The following AFF3 variants were observed in gnomAD, a reference collection of about 807,000 sequenced individuals.
AFF3 encodes ALF transcription elongation factor 3.
Under a neutral mutation model 129.7 loss-of-function variants are expected in AFF3, and 32 were observed. The ratio of observed to expected loss-of-function variants is 0.25; its 90% CI spans 0.19 to 0.33. The LOEUF (loss-of-function observed/expected upper bound fraction) is 0.33, where lower values mean the gene tolerates loss of function less well. AFF3 is among the 10% of genes least tolerant of loss of function. The pLI is 1.00. For synonymous variants in AFF3, 644 were observed against 635.4 expected, an observed-to-expected ratio of 1.01 and a Z score of -0.20; for missense variants, 1,373 against 1,592.0, an observed-to-expected ratio of 0.86 and a Z score of 2.34.
At chr2:99,877,426 C>T (rs904665307) in intron 7 of AFF3, among the ~76,000 whole-genome samples, 1 of 152,092 alleles carries the variant, frequency 6.6e-6, no homozygotes, top group Non-Finnish European at 1.5e-5. Flanking sequence ...ATTGGAATCA[C>T]CACTATGAGA....
At chr2:100,031,757 T>C (rs1684512708) in intron 4 of AFF3, among the ~76,000 whole-genome samples, 1 of 152,168 alleles carries the variant, frequency 6.6e-6, no homozygotes, top group Admixed American at 6.5e-5. Flanking sequence ...AGCAACACAA[T>C]AAAGTAGTAT....
intron 13 of AFF3, among the ~76,000 whole-genome samples, chr2:99,644,106 A>C (rs773676748): frequency 2.6e-5 from 4 of 152,244 alleles, no homozygotes; most frequent in African/African-American, 4.8e-5. Flanking sequence ...GAAATAAATG[A>C]ATAAATCAAT....
At chr2:99,930,380 G>A (rs1308620985) in intron 7 of AFF3, among the ~76,000 whole-genome samples, 2 of 152,142 alleles carry the variant, frequency 1.3e-5, no homozygotes, top group African/African-American at 4.8e-5. Flanking sequence ...CTGCAGGTTG[G>A]TCTCCTCAAT....
At chr2:99,865,311 G>C (rs1691310059) in intron 7 of AFF3, among the ~76,000 whole-genome samples, 1 of 152,216 alleles carries the variant, frequency 6.6e-6, no homozygotes, top group Non-Finnish European at 1.5e-5. Flanking sequence ...ACTCTTTGAA[G>C]CCTTCAAGGA....
intron 4 of AFF3, among the ~76,000 whole-genome samples, chr2:100,058,601 C>T (rs1686995370): frequency 6.6e-6 from 1 of 152,046 alleles, no homozygotes; most frequent in Non-Finnish European, 1.5e-5. Flanking sequence ...CATGTATACA[C>T]ACTGTATAGC....
rs570011251 is a variant in AFF3, at chr2:99,761,104, G to C, written c.922-8803C>G. On this transcript the variant is annotated intron_variant, in intron 8 of 24. Transcript: ENST00000672756. ...CCAGGTGATGGAACTGAGAATCCAC[G>C]TATCTGCCTCAACACAGCATCGCCA... Among the ~76,000 whole-genome samples the C allele has an allele frequency of 4.2e-4, 63 of 151,212 alleles. 1 individual carries two copies. The South Asian group carries it at 0.013, about 31-fold the overall frequency.
At chr2:99,780,248 C>G (rs1684290378) in intron 8 of AFF3, among the ~76,000 whole-genome samples, 1 of 152,192 alleles carries the variant, frequency 6.6e-6, no homozygotes, top group African/African-American at 2.4e-5. Flanking sequence ...TGACGCTGGT[C>G]TGGCATTCCT....
chr2:99,693,329 G>A (rs938963676), intron 11 of AFF3, among the ~76,000 whole-genome samples: 5 of 152,042 alleles, frequency 3.3e-5, no homozygotes, highest in African/African-American at 9.7e-5. Flanking sequence ...TCTTGTGTAC[G>A]TTTAATCAGA....
At chr2:99,653,678 G>GC (rs1270048910) in intron 12 of AFF3, among the ~76,000 whole-genome samples, 1 of 152,176 alleles carries the variant, frequency 6.6e-6, no homozygotes, top group East Asian at 1.9e-4. Context: ...GAAGCTTAGA[G>GC]CAAGGGCTGC....
chr2:99,868,016 C>CTTTTTTTTTTTTTTTTTT (rs531223035), intron 7 of AFF3, among the ~76,000 whole-genome samples: 1 of 136,166 alleles, frequency 7.3e-6, no homozygotes. Context: ...CTCTTTCTTT[C>CTTTTTTTTTTTTTTTTTT]CTTTTTTTTT....
chr2:99,578,468 A>G lies in AFF3; in HGVS notation c.2794-17T>C. The G allele has an allele frequency of 6.2e-7, 1 of 1,607,378 alleles. No individual in the cohort carries two copies. The highest frequency in any genetic ancestry group is 1.1e-5 in the South Asian group (1 of 89,278). On this transcript the variant is annotated splice_polypyrimidine_tract_variant and intron_variant, in intron 17 of 24. Coordinates refer to ENST00000672756, the MANE Select transcript of AFF3 (RefSeq NM_001386135.1). Reference sequence around the variant, plus strand: ...AGCTGCTTTCTAAACAACAAACAACACACATCTTTGAGAAATTGGCCACCT... The same window carrying G: ...AGCTGCTTTCTAAACAACAAACAACGCACATCTTTGAGAAATTGGCCACCT...
chr2:99,920,856 T>C (rs953353467), intron 7 of AFF3, among the ~76,000 whole-genome samples: 4 of 152,080 alleles, frequency 2.6e-5, no homozygotes, highest in Non-Finnish European at 5.9e-5. Flanking sequence ...CAAAATCTAT[T>C]AGCAATAAAA....
rs1183702150 is a variant in AFF3, at chr2:99,546,525, G to A, written c.*4949C>T. ...AAGACAAAGGATATTTGAATCTAAG[G>A]ACATGGGCTGGATCAGGTGAAGGGA... On this transcript the variant is annotated 3_prime_UTR_variant, in exon 25 of 25. Coordinates refer to ENST00000672756, the MANE Select transcript of AFF3 (RefSeq NM_001386135.1). 4.3e-6 allele frequency: 1 copy of A among 232,822 alleles called. No individual in the cohort carries two copies. The highest frequency in any genetic ancestry group is 2.2e-5 in the African/African-American group (1 of 45,316). The allele number at this position is 232,822 out of a possible 1,614,324, so 14.4% of individuals were successfully genotyped here. A position where few individuals can be genotyped will look rare whatever the true frequency, so the allele number is the denominator to read the frequency against.
chr2:99,682,749 G>T (rs1029323970), intron 11 of AFF3, among the ~76,000 whole-genome samples: 2 of 152,196 alleles, frequency 1.3e-5, no homozygotes, highest in African/African-American at 4.8e-5. Context: ...TGCCGATAGG[G>T]TTTTTGGTTA....
At chr2:99,618,433 G>A (rs1232213277) in intron 13 of AFF3, among the ~76,000 whole-genome samples, 1 of 151,642 alleles carries the variant, frequency 6.6e-6, no homozygotes, top group African/African-American at 2.4e-5. Context: ...ACGGAGTTTT[G>A]CCATGTTGGC....
chr2:99,647,966 A>T (rs966726144), intron 13 of AFF3, among the ~76,000 whole-genome samples: 5 of 152,208 alleles, frequency 3.3e-5, no homozygotes, highest in African/African-American at 7.2e-5. Flanking sequence ...TTTAGGACAA[A>T]GTTGTATATG....
At chr2:99,608,120 T>C (rs1219536591) in intron 13 of AFF3, among the ~76,000 whole-genome samples, 3 of 152,192 alleles carry the variant, frequency 2.0e-5, no homozygotes, top group Non-Finnish European at 4.4e-5. Flanking sequence ...CCTCAATGGG[T>C]CTATCCCTAA....
chr2:100,066,512 C>T (rs1687729106), intron 4 of AFF3, among the ~76,000 whole-genome samples: 1 of 152,100 alleles, frequency 6.6e-6, no homozygotes, highest in South Asian at 2.1e-4. Flanking sequence ...TTTATTAACT[C>T]CTCTTTTATT....
At chr2:100,130,180 A>G (rs1561230) in intron 1 of AFF3, among the ~76,000 whole-genome samples, 78,979 of 152,036 alleles carry the variant, frequency 0.52, 20,819 homozygotes, top group East Asian at 0.64. Flanking sequence ...CTCAGGTAGG[A>G]TGCGTGAAGT....
Sources: gnomAD v4.1 joint callset for allele counts (sites outside exome capture counted in the v4.1 genomes callset) on GRCh38, gnomAD v4.1.1 for gene constraint, MANE v1.5 for transcripts, NCBI Gene and HGNC (gene_info 2026-07-23, HGNC 2026-07-21) for gene names.